The following PDE1A variants were observed in gnomAD, a reference collection of about 807,000 sequenced individuals.
PDE1A encodes the protein phosphodiesterase 1A, also known as dual specificity calcium/calmodulin-dependent 3',5'-cyclic nucleotide phosphodiesterase 1A.
PDE1A carries 35 observed loss-of-function variants against 61.7 expected under a neutral mutation model. That is an observed-to-expected ratio of 0.57 (90% CI 0.43 to 0.75). The LOEUF (loss-of-function observed/expected upper bound fraction) is 0.75, where lower values mean the gene tolerates loss of function less well. PDE1A is among the 30% of genes least tolerant of loss of function. PDE1A has a pLI of 0.00. For missense variants in PDE1A, 597 were observed against 630.6 expected (o/e 0.95, Z 0.57); for synonymous variants, 232 against 213.2 (o/e 1.09, Z -0.77).
At chr2:182,619,097 C>T in the PDE1A span, among the ~76,000 whole-genome samples, 54 of 151,410 alleles carry the variant, frequency 3.6e-4, no homozygotes, top group African/African-American at 1.2e-3. Context: ...AACAAGTTCA[C>T]CCTAAGGCTC....
chr2:182,270,162 C>T (rs1358057522), intron 1 of PDE1A, among the ~76,000 whole-genome samples: 1 of 152,038 alleles, frequency 6.6e-6, no homozygotes. Context: ...GATCAGGACA[C>T]ATAAAAGAAG....
the PDE1A span, among the ~76,000 whole-genome samples, chr2:182,568,993 A>G: frequency 6.6e-6 from 1 of 152,036 alleles, no homozygotes; most frequent in Non-Finnish European, 1.5e-5. Context: ...TTGAAATAAA[A>G]TCTAATTTCA....
chr2:182,354,814 G>A (rs1403585820), intron 1 of PDE1A, among the ~76,000 whole-genome samples: 1 of 152,012 alleles, frequency 6.6e-6, no homozygotes, highest in Non-Finnish European at 1.5e-5. Flanking sequence ...AAAGAACGCT[G>A]GAACCTTAGA....
chr2:182,180,991 C>T (rs986822264), intron 13 of PDE1A, among the ~76,000 whole-genome samples: 6 of 151,842 alleles, frequency 4.0e-5, no homozygotes, highest in African/African-American at 1.5e-4. Flanking sequence ...CTCCTGTAAC[C>T]TTTTATCAAT....
chr2:182,587,422 C>T, the PDE1A span, among the ~76,000 whole-genome samples: 102 of 152,240 alleles, frequency 6.7e-4, no homozygotes, highest in African/African-American at 2.4e-3. Context: ...AATACAGAGA[C>T]CATCAATCTT....
chr2:182,529,502 C>G, the PDE1A span, among the ~76,000 whole-genome samples: 1 of 152,198 alleles, frequency 6.6e-6, no homozygotes, highest in South Asian at 2.1e-4. Flanking sequence ...AGACTTTGGA[C>G]TGTGGACTTT....
chr2:182,572,777 G>A, the PDE1A span, among the ~76,000 whole-genome samples: 1 of 150,732 alleles, frequency 6.6e-6, no homozygotes, highest in South Asian at 2.1e-4. Flanking sequence ...GGTGAGGCAG[G>A]AGAATGGTGT....
the PDE1A span, among the ~76,000 whole-genome samples, chr2:182,566,552 A>C: frequency 6.6e-6 from 1 of 151,618 alleles, no homozygotes; most frequent in Non-Finnish European, 1.5e-5. Flanking sequence ...GGAAATAAGT[A>C]AATTATATTA....
intron 2 of PDE1A, among the ~76,000 whole-genome samples, chr2:182,245,757 G>A (rs1690898034): frequency 6.6e-6 from 1 of 152,126 alleles, no homozygotes; most frequent in African/African-American, 2.4e-5. Context: ...ACTATTGAAG[G>A]ACATCTTGAT....
chr2:182,682,298 T>A, the PDE1A span, among the ~76,000 whole-genome samples: 2 of 152,164 alleles, frequency 1.3e-5, no homozygotes, highest in Non-Finnish European at 2.9e-5. Context: ...GTTTCAAATC[T>A]ATCTTCCTGA....
chr2:182,441,618 GT>G (rs1176437349), intron 2 of PDE1A, among the ~76,000 whole-genome samples: 2 of 151,886 alleles, frequency 1.3e-5, no homozygotes, highest in African/African-American at 4.8e-5. Context: ...CTCAAATTTT[GT>G]TTTCTATATA....
the PDE1A span, among the ~76,000 whole-genome samples, chr2:182,620,187 A>C: frequency 6.6e-6 from 1 of 152,066 alleles, no homozygotes; most frequent in Non-Finnish European, 1.5e-5. Flanking sequence ...TTATTTCTTT[A>C]TTTAATAAAT....
At chr2:182,515,561 T>G (rs1690080040) in intron 2 of PDE1A, among the ~76,000 whole-genome samples, 2 of 152,320 alleles carry the variant, frequency 1.3e-5, no homozygotes, top group Non-Finnish European at 2.9e-5. Context: ...TAACATAATG[T>G]TATGTAGGAC....
intron 2 of PDE1A, among the ~76,000 whole-genome samples, chr2:182,462,162 G>T (rs983156383): frequency 6.6e-6 from 1 of 151,982 alleles, no homozygotes; most frequent in Non-Finnish European, 1.5e-5. Context: ...TTGTGGGGTG[G>T]GGGGAGCGGG....
chr2:182,628,573 G>C, the PDE1A span, among the ~76,000 whole-genome samples: 1 of 152,104 alleles, frequency 6.6e-6, no homozygotes, highest in African/African-American at 2.4e-5. Flanking sequence ...ACATGATATT[G>C]CATCAATGTA....
upstream of PDE1A, chr2:182,522,816 T>G: frequency 4.5e-6 from 1 of 223,278 alleles, no homozygotes; most frequent in Non-Finnish European, 7.5e-6. Flanking sequence ...AATTCCTCTC[T>G]ACCAACAGAA....
At chr2:182,402,739 C>T (rs1013246963) in intron 1 of PDE1A, among the ~76,000 whole-genome samples, 2 of 152,162 alleles carry the variant, frequency 1.3e-5, no homozygotes, top group African/African-American at 4.8e-5. Flanking sequence ...AGTGAACAGG[C>T]AACCTACAGA....
intron 8 of PDE1A, 51 bp downstream of exon 8, chr2:182,205,889 T>C (rs1559182112): frequency 1.3e-6 from 2 of 1,531,010 alleles, no homozygotes; most frequent in Non-Finnish European, 1.8e-6. Context: ...AATCGCATAA[T>C]TTATTCCTTT....
the PDE1A span, among the ~76,000 whole-genome samples, chr2:182,613,695 A>G: frequency 2.0e-5 from 3 of 152,242 alleles, no homozygotes; most frequent in Non-Finnish European, 4.4e-5. Flanking sequence ...GATATTTTGA[A>G]TGCATAAATA....
Sources: gnomAD v4.1 joint callset for allele counts (sites outside exome capture counted in the v4.1 genomes callset) on GRCh38, gnomAD v4.1.1 for gene constraint, MANE v1.5 for transcripts, NCBI Gene and HGNC (gene_info 2026-07-23, HGNC 2026-07-21) for gene names.